Variants in GRIP1 observed in about 807,000 individuals in gnomAD.
GRIP1 encodes the protein glutamate receptor-interacting protein 1.
GRIP1 carries 45 observed loss-of-function variants against 129.9 expected under a neutral mutation model. The observed-to-expected ratio is 0.35, with a 90% confidence interval of 0.27 to 0.44. GRIP1 has a LOEUF of 0.44. Ranked by LOEUF, GRIP1 falls within the 20% of genes least tolerant of loss-of-function variation. GRIP1 has a pLI of 1.00. For missense variants in GRIP1, 1,196 were observed against 1,396.8 expected (o/e 0.86, Z 2.29); for synonymous variants, 530 against 520.8 (o/e 1.02, Z -0.24).
intron 1 of GRIP1, among the ~76,000 whole-genome samples, chr12:66,635,964 T>C (rs904965297): frequency 6.6e-6 from 1 of 152,184 alleles, no homozygotes; most frequent in African/African-American, 2.4e-5. Flanking sequence ...CCCGTGTTCA[T>C]AGGAGCATTC....
chr12:66,735,908 C>T (rs2036580359), intron 1 of GRIP1, among the ~76,000 whole-genome samples: 1 of 152,108 alleles, frequency 6.6e-6, no homozygotes, highest in South Asian at 2.1e-4. Context: ...TCCACTCCCC[C>T]ATGACTAGTG....
At chr12:67,050,613 C>T (rs546156225) in intron 1 of GRIP1, among the ~76,000 whole-genome samples, 1 of 151,016 alleles carries the variant, frequency 6.6e-6, no homozygotes, top group African/African-American at 2.5e-5. Flanking sequence ...TTCTAAAGCA[C>T]TGATGTTCTT....
At chr12:66,359,779 A>G (rs1201824294) in intron 23 of GRIP1, among the ~76,000 whole-genome samples, 2 of 148,578 alleles carry the variant, frequency 1.3e-5, no homozygotes, top group Non-Finnish European at 3.1e-5. Context: ...CATAAAAGAT[A>G]AGAGTCTAGA....
intron 1 of GRIP1, among the ~76,000 whole-genome samples, chr12:67,043,034 T>C (rs1272710856): frequency 6.6e-6 from 1 of 152,144 alleles, no homozygotes; most frequent in Non-Finnish European, 1.5e-5. Context: ...TGGCTCTAAA[T>C]GGCCTGGAGA....
chr12:66,451,395 T>TG (rs2058798285), intron 11 of GRIP1, among the ~76,000 whole-genome samples: 1 of 56,834 alleles, frequency 1.8e-5, no homozygotes, highest in East Asian at 6.6e-4. Flanking sequence ...TTTTTTTTTT[T>TG]TTTTTTTTTT....
intron 1 of GRIP1, among the ~76,000 whole-genome samples, chr12:66,946,819 G>A (rs1326600508): frequency 1.3e-5 from 2 of 148,434 alleles, no homozygotes; most frequent in Non-Finnish European, 3.0e-5. Flanking sequence ...GGGCGGCATG[G>A]ATCACTGGAA....
intron 1 of GRIP1, among the ~76,000 whole-genome samples, chr12:66,695,493 T>C (rs199566664): frequency 6.6e-6 from 1 of 152,266 alleles, no homozygotes; most frequent in African/African-American, 2.4e-5. Flanking sequence ...TTGGCCCTAG[T>C]CCATGTCTAC....
At chr12:66,955,182 T>A (rs976694890) in intron 1 of GRIP1, among the ~76,000 whole-genome samples, 3 of 152,178 alleles carry the variant, frequency 2.0e-5, no homozygotes, top group African/African-American at 7.2e-5. Context: ...ATACTGGGAC[T>A]GGAGCAGTGG....
At chr12:67,064,884 C>G (rs532224338) in intron 1 of GRIP1, 49 of 148,826 alleles carry the variant, frequency 3.3e-4, no homozygotes, top group African/African-American at 1.1e-3. Context: ...GTATATCTCC[C>G]AATGCTATCC....
intron 1 of GRIP1, among the ~76,000 whole-genome samples, chr12:66,908,808 C>G (rs1057037123): frequency 1.7e-4 from 26 of 152,178 alleles, no homozygotes; most frequent in African/African-American, 6.3e-4. Context: ...CATTGCAGAT[C>G]TAAGAGTAGT....
At chr12:66,936,025 AAAC>A (rs1250477757) in intron 1 of GRIP1, among the ~76,000 whole-genome samples, 3 of 152,112 alleles carry the variant, frequency 2.0e-5, no homozygotes, top group Non-Finnish European at 1.5e-5. Context: ...ACAAACAAAC[AAAC>A]AACAACAACA....
intron 1 of GRIP1, among the ~76,000 whole-genome samples, chr12:67,021,843 T>C (rs188339806): frequency 1.7e-4 from 26 of 152,308 alleles, no homozygotes; most frequent in African/African-American, 4.8e-4. Context: ...ACCACTATTC[T>C]AGTATCTACT....
chr12:66,929,728 A>G (rs1479894821), intron 1 of GRIP1, among the ~76,000 whole-genome samples: 3 of 152,130 alleles, frequency 2.0e-5, no homozygotes, highest in African/African-American at 7.2e-5. Context: ...GTATCTGACT[A>G]CCTTATGAGG....
At chr12:66,370,249 T>A (rs1350669648) in intron 23 of GRIP1, among the ~76,000 whole-genome samples, 1 of 152,210 alleles carries the variant, frequency 6.6e-6, no homozygotes, top group African/African-American at 2.4e-5. Flanking sequence ...ATTGGACTGA[T>A]GCCATTATCT....
intron 2 of GRIP1, among the ~76,000 whole-genome samples, chr12:66,592,032 TCA>T (rs1314062980): frequency 1.3e-5 from 2 of 152,144 alleles, no homozygotes; most frequent in African/African-American, 4.8e-5. Context: ...AGTGTAAAAG[TCA>T]CACTATATAT....
chr12:66,522,776 T>C (rs1421876496), intron 5 of GRIP1, among the ~76,000 whole-genome samples: 4 of 151,800 alleles, frequency 2.6e-5, no homozygotes, highest in Non-Finnish European at 5.9e-5. Flanking sequence ...AGTTAAAAAC[T>C]TTGAAAAAAA....
chr12:66,735,661 A>AC (rs1379705983), intron 1 of GRIP1, among the ~76,000 whole-genome samples: 1 of 152,160 alleles, frequency 6.6e-6, no homozygotes, highest in Non-Finnish European at 1.5e-5. Flanking sequence ...AAACCTGAGA[A>AC]CAAAGGTGAC....
At chr12:66,914,708 G>A (rs958204478) in intron 1 of GRIP1, among the ~76,000 whole-genome samples, 2 of 152,166 alleles carry the variant, frequency 1.3e-5, no homozygotes, top group Admixed American at 1.3e-4. Flanking sequence ...TGGTGGTTCA[G>A]AGTACATAAA....
chr12:66,602,849 T>C (rs1023678726), intron 1 of GRIP1, among the ~76,000 whole-genome samples: 4 of 34,010 alleles, frequency 1.2e-4, no homozygotes, highest in Non-Finnish European at 5.7e-5. Flanking sequence ...GATCTTTTGC[T>C]TTTTTTTTTT....
Sources: gnomAD v4.1 joint callset for allele counts (sites outside exome capture counted in the v4.1 genomes callset) on GRCh38, gnomAD v4.1.1 for gene constraint, MANE v1.5 for transcripts, NCBI Gene and HGNC (gene_info 2026-07-23, HGNC 2026-07-21) for gene names.